Variants in IL4I1 observed in about 807,000 individuals in gnomAD.
IL4I1 encodes the protein L-amino-acid oxidase.
A neutral mutation model predicts 29.7 loss-of-function variants in IL4I1; 24 were observed. The ratio of observed to expected loss-of-function variants is 0.81; its 90% CI spans 0.59 to 1.14. The LOEUF (loss-of-function observed/expected upper bound fraction) is 1.14. IL4I1 is among the 50% of genes most tolerant of loss of function. The probability of loss-of-function intolerance (pLI) is 0.00; values close to 1 mark genes in which losing one functional copy is unlikely to be tolerated. For synonymous variants in IL4I1, 371 were observed against 352.5 expected (o/e 1.05, Z -0.59); for missense variants, 686 against 785.6 (o/e 0.87, Z 1.52).
At chr19:49,905,240 C>CAA (rs1000717550) in intron 2 of IL4I1, among the ~76,000 whole-genome samples, 10 of 152,302 alleles carry the variant, frequency 6.6e-5, no homozygotes, top group Admixed American at 4.6e-4. Context: ...AATACATGCT[C>CAA]AAATTTTCTC....
At chr19:49,892,976 G>A (rs1265062378) in intron 5 of IL4I1, among the ~76,000 whole-genome samples, 3 of 152,178 alleles carry the variant, frequency 2.0e-5, no homozygotes, top group African/African-American at 7.2e-5. Flanking sequence ...TCCTGTGTGG[G>A]GAAGGGAAAG....
At chr19:49,918,106 C>T (rs2075671999) in intron 2 of IL4I1, among the ~76,000 whole-genome samples, 1 of 151,318 alleles carries the variant, frequency 6.6e-6, no homozygotes. Context: ...CAGAGTCTCA[C>T]TCTGTCATCC....
intron 2 of IL4I1, chr19:49,909,323 C>A (rs368941335): frequency 6.2e-7 from 1 of 1,613,756 alleles, no homozygotes; most frequent in East Asian, 2.2e-5. Context: ...CGTGCTTCCA[C>A]CAGTGAATGA....
upstream of IL4I1, among the ~76,000 whole-genome samples, chr19:49,900,023 G>T (rs2075257832): frequency 6.6e-6 from 1 of 152,068 alleles, no homozygotes; most frequent in East Asian, 1.9e-4. Flanking sequence ...TTTTCATAGC[G>T]ACGGGGCCTT....
rs754928014 is a variant in IL4I1 at position 49,894,463 on chromosome 19, G to A, written c.372C>T (p.Leu124=). The stretch of plus-strand genomic sequence containing the variant: ...GCCCCAGGCCCTGGCAGAGCTTGTG[G>A]AGGATCCTGATCAGGGGAGTGGGTG... ...AMRMPSSHRI[L]HKLCQGLGLN... The change falls in exon 5 of 8, where the codon CTC becomes CTT. Residue 124 remains leucine, a synonymous_variant. Coordinates refer to ENST00000391826, the MANE Select transcript of IL4I1 (RefSeq NM_152899.2). The A allele has an allele frequency of 1.9e-6, 3 of 1,613,320 alleles. No individual in the cohort carries two copies. Among genetic ancestry groups the A allele is most frequent in the Non-Finnish European group, 2.5e-6 (3 of 1,179,562 alleles).
intron 6 of IL4I1, 58 bp from the exon 7 acceptor site, chr19:49,891,165 C>T (rs748834921): frequency 2.7e-4 from 424 of 1,584,072 alleles, no homozygotes; most frequent in Non-Finnish European, 3.3e-4. Flanking sequence ...CCTGAGAGAG[C>T]CCCTCCGCAG....
At chr19:49,927,252 G>A (rs2075919653) in intron 2 of IL4I1, among the ~76,000 whole-genome samples, 1 of 152,084 alleles carries the variant, frequency 6.6e-6, no homozygotes, top group African/African-American at 2.4e-5. Flanking sequence ...CTAGTAAGAG[G>A]GGTGCAGTCA....
At chr19:49,893,726 C>T (rs913523798) in intron 5 of IL4I1, among the ~76,000 whole-genome samples, 4 of 151,702 alleles carry the variant, frequency 2.6e-5, no homozygotes, top group South Asian at 4.2e-4. Context: ...CAGTGGCTCA[C>T]GCCTGTAATC....
chr19:49,889,934 G>A lies in IL4I1; in HGVS notation c.1440C>T (p.Gly480=), dbSNP rs369174992. 67 of 1,605,192 alleles carry A rather than the reference G, an allele frequency of 4.2e-5. No individual in the cohort carries two copies. The highest frequency in any genetic ancestry group is 5.4e-5 in the African/African-American group (4 of 74,642). ...TVPYGRIYFA[G]EHTAYPHGWV... ...AGCCGTGCGGGTAGGCGGTGTGCTC[G>A]CCGGCAAAGTAGATGCGGCCATAAG... The change falls in exon 8 of 8, where the codon GGC becomes GGT. Residue 480 remains glycine, a synonymous_variant. Coordinates refer to ENST00000391826, the MANE Select transcript of IL4I1 (RefSeq NM_152899.2).
Position 49,913,903 on chromosome 19 carries a change from G to A in IL4I1, c.-227-9582C>T, listed in dbSNP as rs1319111995. The stretch of plus-strand genomic sequence containing the variant: ...ACTTTATGGGTGTGGGGGATGAACC[G>A]TAGGGGTAGAGGCTGGAGGCCAGGT... On this transcript the variant is annotated intron_variant, in intron 2 of 9. Transcript: ENST00000341114. 3.9e-5 allele frequency among the ~76,000 whole-genome samples: 6 copies of A among 152,186 alleles called. No individual in the cohort carries two copies. The East Asian group carries it at 5.8e-4, about 15-fold the overall frequency.
At position 49,889,845 on chromosome 19, in the gene IL4I1, G is replaced by C; in HGVS notation, c.1529C>G (p.Pro510Arg). Residue 510 changes from proline (P) to arginine (R), a missense_variant, in exon 8 of 8, where the codon CCT becomes CGT. By Grantham distance (103) the Pro-to-Arg change is moderately radical. Coordinates refer to ENST00000391826, the MANE Select transcript of IL4I1 (RefSeq NM_152899.2). ...CTCGGGGCTGGCCGTGTCCGATGCAGGCCCCTTCCGGCTGTTGATCTTGAT... is the reference window on the plus strand; with the variant it reads ...CTCGGGGCTGGCCGTGTCCGATGCACGCCCCTTCCGGCTGTTGATCTTGAT... ...AAIKINSRKG[P>R]ASDTASPEGH... The C allele has an allele frequency of 6.3e-7, 1 of 1,587,126 alleles. No homozygotes were observed. The highest frequency in any genetic ancestry group is 2.2e-5 in the East Asian group (1 of 44,550).
Position 49,893,682 on chromosome 19 carries a change from C to T in IL4I1, c.567+586G>A, listed in dbSNP as rs371556247. Reference sequence around the variant, plus strand: ...GCAGCTTTGGGGTCAGCAGTGTTTACGGGGAAGCTAAAGAAGGGAGTTGGG... The same window carrying T: ...GCAGCTTTGGGGTCAGCAGTGTTTATGGGGAAGCTAAAGAAGGGAGTTGGG... On this transcript the variant is annotated intron_variant, in intron 5 of 7. Coordinates refer to ENST00000391826, the MANE Select transcript of IL4I1 (RefSeq NM_152899.2). 4.1e-4 allele frequency among the ~76,000 whole-genome samples: 62 copies of T among 151,922 alleles called. No individual in the cohort carries two copies. The South Asian group carries it at 0.011, about 28-fold the overall frequency.
intron 3 of IL4I1, among the ~76,000 whole-genome samples, chr19:49,903,820 T>C (rs959879163): frequency 2.0e-5 from 3 of 149,740 alleles, no homozygotes; most frequent in Non-Finnish European, 3.0e-5. Context: ...TATACTGTTA[T>C]ATGTGCTGGG....
chr19:49,917,048 G>A (rs2075643421), intron 2 of IL4I1, among the ~76,000 whole-genome samples: 1 of 152,252 alleles, frequency 6.6e-6, no homozygotes, highest in East Asian at 1.9e-4. Context: ...AGCTGTCTCC[G>A]TGGGACCTCC....
chr19:49,922,478 C>T (rs2075788882), intron 2 of IL4I1, among the ~76,000 whole-genome samples: 1 of 151,978 alleles, frequency 6.6e-6, no homozygotes, highest in Non-Finnish European at 1.5e-5. Flanking sequence ...AAGCCCTACT[C>T]CGTCTCACTG....
chr19:49,910,337 TCA>T (rs1339482360), intron 2 of IL4I1, among the ~76,000 whole-genome samples: 1 of 151,956 alleles, frequency 6.6e-6, no homozygotes, highest in Non-Finnish European at 1.5e-5. Context: ...TCTCTGGACC[TCA>T]GAGAGAGAGA....
At chr19:49,895,736 C>A in intron 3 of IL4I1, 79 bp downstream of exon 3, 7 of 893,120 alleles carry the variant, frequency 7.8e-6, no homozygotes, top group Non-Finnish European at 8.7e-6. Context: ...CAAGGAGGAA[C>A]GCGGCCGTGT....
At chr19:49,905,191 A>G (rs1279661412) in intron 2 of IL4I1, among the ~76,000 whole-genome samples, 2 of 152,238 alleles carry the variant, frequency 1.3e-5, no homozygotes, top group Non-Finnish European at 2.9e-5. Flanking sequence ...AGGAAATAAT[A>G]TGCAAAATAA....
chr19:49,927,984 G>A lies in IL4I1; in HGVS notation c.-349-169C>T, dbSNP rs2075947125. On this transcript the variant is annotated intron_variant, in intron 1 of 9. Coordinates refer to the IL4I1 transcript ENST00000341114. Reference sequence around the variant, plus strand: ...TGGAAGCTGAAGGACGGTTTGAAAGGAAGCCAAGGGCAAGGGATGGAGAAA... The same window carrying A: ...TGGAAGCTGAAGGACGGTTTGAAAGAAAGCCAAGGGCAAGGGATGGAGAAA... 9 of 152,368 alleles carry A rather than the reference G, an allele frequency of 5.9e-5. No homozygotes were observed. The South Asian group carries it at 1.9e-3, about 32-fold the overall frequency. The allele number at this position is 152,368 out of a possible 1,614,324, so 9.4% of individuals were successfully genotyped here.
Sources: gnomAD v4.1 joint callset for allele counts (sites outside exome capture counted in the v4.1 genomes callset) on GRCh38, gnomAD v4.1.1 for gene constraint, MANE v1.5 for transcripts, NCBI Gene and HGNC (gene_info 2026-07-23, HGNC 2026-07-21) for gene names.